MYRFL: variants seen among roughly 807,000 people sequenced by gnomAD.
The protein encoded by MYRFL is myelin regulatory factor like, also known as myelin regulatory factor-like protein.
In MYRFL, 88 loss-of-function variants were observed where a neutral mutation model predicts 109.4. The observed-to-expected ratio is 0.80, with a 90% CI of 0.68 to 0.96. The LOEUF is 0.96. MYRFL is among the 40% of genes least tolerant of loss of function. MYRFL has a pLI of 0.00. For synonymous variants in MYRFL, 324 were observed against 320.9 expected, an observed-to-expected ratio of 1.01 and a Z score of -0.10; for missense variants, 957 against 954.9, an observed-to-expected ratio of 1.00 and a Z score of -0.03.
In MYRFL at chr12:69,957,683, T is replaced by G; in HGVS notation, c.2451-139T>G. On this transcript the variant is annotated intron_variant, in intron 22 of 24. Coordinates refer to ENST00000552032, the MANE Select transcript of MYRFL (RefSeq NM_182530.3). Reference sequence around the variant, plus strand: ...GGCCTATTGGCATCGGTGAGCTTTGTGTGATACAATGCCTATTGTGAACTT... The same window carrying G: ...GGCCTATTGGCATCGGTGAGCTTTGGGTGATACAATGCCTATTGTGAACTT... 3 of 1,015,954 alleles carry G rather than the reference T, an allele frequency of 3.0e-6. No homozygotes were observed. The South Asian group carries it at 6.6e-5, about 22-fold the overall frequency. The allele number at this position is 1,015,954 out of a possible 1,614,324, so 62.9% of individuals were successfully genotyped here. A position where few individuals can be genotyped will look rare whatever the true frequency, so the allele number is the denominator to read the frequency against.
At chr12:69,932,128 T>A (rs1182284982) in intron 15 of MYRFL, among the ~76,000 whole-genome samples, 1 of 152,044 alleles carries the variant, frequency 6.6e-6, no homozygotes, top group African/African-American at 2.4e-5. Flanking sequence ...GTCTTGAAGA[T>A]CTTTTGATTT....
chr12:69,943,858 CA>C (rs1320443831), intron 19 of MYRFL, among the ~76,000 whole-genome samples: 1 of 152,092 alleles, frequency 6.6e-6, no homozygotes, highest in African/African-American at 2.4e-5. Flanking sequence ...ACAGCCCCAT[CA>C]AAAAGTGGAT....
At position 69,825,277 on chromosome 12, in the gene MYRFL, C is replaced by A. The variant is rs1255583445; in HGVS notation, c.-241C>A. On this transcript the variant is annotated 5_prime_UTR_variant, in exon 1 of 25. Transcript: ENST00000552032. The stretch of plus-strand genomic sequence containing the variant: ...AGACAGATGAATTTGCTACCTCTTC[C>A]CTCTTCATGAATTTTTTTTAAATGT... 1 of 668,250 alleles carries A rather than the reference C, an allele frequency of 1.5e-6. No individual in the cohort carries two copies. The highest frequency in any genetic ancestry group is 2.8e-5 in the East Asian group (1 of 36,046). The allele number at this position is 668,250 out of a possible 1,614,324, so 41.4% of individuals were successfully genotyped here. A position where few individuals can be genotyped will look rare whatever the true frequency, so the allele number is the denominator to read the frequency against.
intron 19 of MYRFL, among the ~76,000 whole-genome samples, chr12:69,939,798 A>C (rs569379549): frequency 6.6e-6 from 1 of 152,142 alleles, no homozygotes; most frequent in Non-Finnish European, 1.5e-5. Context: ...ACTTTGAAAA[A>C]AATTTAGAAG....
chr12:69,940,025 A>G (rs1443640781), intron 19 of MYRFL, among the ~76,000 whole-genome samples: 1 of 151,362 alleles, frequency 6.6e-6, no homozygotes, highest in Non-Finnish European at 1.5e-5. Context: ...AGAAATGAGC[A>G]AAGCCTCCAA....
rs572691838 is a variant in MYRFL at position 69,880,180 on chromosome 12, GT to G, written c.465-17del. The G allele has an allele frequency of 9.9e-4, 697 of 702,044 alleles. 1 individual carries two copies. Among genetic ancestry groups the G allele is most frequent in the African/African-American group, 9.8e-3 (561 of 57,306 alleles). The allele number at this position is 702,044 out of a possible 1,614,324, so 43.5% of individuals were successfully genotyped here. ...AACACAAGGAAGAATCCTAACCTTC[GT>G]TTTGGTGTCTTGATTTTAGAGCCTC... On this transcript the variant is annotated intron_variant, in intron 4 of 24. Transcript: ENST00000552032.
intron 5 of MYRFL, among the ~76,000 whole-genome samples, chr12:69,881,739 G>A (rs954380233): frequency 3.3e-5 from 5 of 152,188 alleles, no homozygotes; most frequent in African/African-American, 1.2e-4. Context: ...AACATGGTCA[G>A]CAGTTGTTCA....
chr12:69,852,150 G>A (rs1883911596), intron 1 of MYRFL, among the ~76,000 whole-genome samples: 1 of 152,150 alleles, frequency 6.6e-6, no homozygotes, highest in Admixed American at 6.5e-5. Flanking sequence ...TTACAATTAT[G>A]GCTGCAGGAG....
At chr12:69,857,005 A>G (rs1303042057) in intron 2 of MYRFL, among the ~76,000 whole-genome samples, 2 of 151,880 alleles carry the variant, frequency 1.3e-5, no homozygotes, top group Non-Finnish European at 2.9e-5. Flanking sequence ...AAAGTTTTAT[A>G]GTTTTATATT....
At chr12:69,859,629 C>G (rs1392336952) in intron 2 of MYRFL, among the ~76,000 whole-genome samples, 1 of 152,078 alleles carries the variant, frequency 6.6e-6, no homozygotes, top group Admixed American at 6.5e-5. Context: ...TTTCTTTTCT[C>G]AAAAGAAGAC....
chr12:69,842,777 T>G (rs1261171155), intron 1 of MYRFL, among the ~76,000 whole-genome samples: 1 of 152,206 alleles, frequency 6.6e-6, no homozygotes, highest in African/African-American at 2.4e-5. Context: ...TAAAAAGCCC[T>G]CTCAGGTGTC....
intron 1 of MYRFL, among the ~76,000 whole-genome samples, chr12:69,852,579 A>ATTTTTTTTTTTTTTTTTTTTTTATTTT (rs61145700): frequency 8.9e-6 from 1 of 112,212 alleles, no homozygotes; most frequent in Non-Finnish European, 1.8e-5. Context: ...TTAATTTTTA[A>ATTTTTTTTTTTTTTTTTTTTTTATTTT]TTTTTTTTTT....
At position 69,895,446 on chromosome 12, in the gene MYRFL, T is replaced by C. The variant is rs1168639230; in HGVS notation, c.1056T>C (p.Asn352=). 40 of 1,534,992 alleles carry C rather than the reference T, an allele frequency of 2.6e-5. No homozygotes were observed. Among genetic ancestry groups the C allele is most frequent in the Non-Finnish European group, 3.4e-5 (39 of 1,146,506 alleles). ...RLHFSETTAN[N]MRKKGKPNPD... The stretch of plus-strand genomic sequence containing the variant: ...ACTTCAGCGAAACCACAGCAAATAA[T>C]ATGAGAAAAAAGGGAAAACCAAATC... The change falls in exon 9 of 25, where the codon AAT becomes AAC. Residue 352 remains asparagine, a synonymous_variant. Coordinates refer to ENST00000552032, the MANE Select transcript of MYRFL (RefSeq NM_182530.3).
At chr12:69,878,168 G>C (rs1267706149) in intron 2 of MYRFL, among the ~76,000 whole-genome samples, 1 of 150,184 alleles carries the variant, frequency 6.7e-6, no homozygotes, top group Non-Finnish European at 1.5e-5. Flanking sequence ...ACTTGAACCT[G>C]GGAGGTGGAG....
At chr12:69,952,661 C>T in intron 20 of MYRFL, 138 bp from the exon 21 acceptor site, 1 of 609,500 alleles carries the variant, frequency 1.6e-6, no homozygotes, top group East Asian at 3.1e-5. Context: ...GTTTGTTTTC[C>T]ATTTGAATAC....
At chr12:69,943,264 A>ACTAC (rs1955722333) in intron 19 of MYRFL, among the ~76,000 whole-genome samples, 1 of 150,940 alleles carries the variant, frequency 6.6e-6, no homozygotes, top group Non-Finnish European at 1.5e-5. Context: ...GAGGCATCAC[A>ACTAC]CTACCTGACT....
chr12:69,934,824 G>A (rs1239586495), intron 16 of MYRFL, among the ~76,000 whole-genome samples: 1 of 152,108 alleles, frequency 6.6e-6, no homozygotes, highest in Non-Finnish European at 1.5e-5. Flanking sequence ...GCAGGCCATA[G>A]GTAGTATTGG....
chr12:69,931,586 G>T (rs1413334576), intron 15 of MYRFL, among the ~76,000 whole-genome samples: 1 of 152,022 alleles, frequency 6.6e-6, no homozygotes, highest in African/African-American at 2.4e-5. Context: ...ATTAAACCAA[G>T]AACCAATTTA....
chr12:69,953,171 G>C (rs11177992), intron 21 of MYRFL, among the ~76,000 whole-genome samples: 19,433 of 152,144 alleles, frequency 0.13, 1,857 homozygotes, highest in East Asian at 0.48. Flanking sequence ...ACTCTCTGAG[G>C]GCACATATCA....
Sources: allele counts gnomAD v4.1 joint callset (sites outside exome capture counted in the v4.1 genomes callset), GRCh38; gene constraint gnomAD v4.1.1; transcripts MANE v1.5; gene names NCBI Gene and HGNC (gene_info 2026-07-23, HGNC 2026-07-21).